The following MAPK8 variants were observed in gnomAD, a reference collection of about 807,000 sequenced individuals.
MAPK8 encodes the protein JUN N-terminal kinase.
MAPK8 carries 13 observed loss-of-function variants against 52.9 expected under a neutral mutation model. The ratio of observed to expected loss-of-function variants is 0.25; its 90% CI spans 0.16 to 0.39. The LOEUF is 0.39. Among genes scored for constraint, MAPK8 ranks in the 10% least tolerant of loss-of-function variants. MAPK8 has a pLI of 1.00. For missense variants in MAPK8, 300 were observed against 519.2 expected (o/e 0.58, Z 4.10); for synonymous variants, 191 against 169.8 (o/e 1.12, Z -0.97).
Position 48,424,177 on chromosome 10 carries a change from C to T in MAPK8, c.688+18C>T. The T allele has an allele frequency of 6.2e-7, 1 of 1,605,146 alleles. No individual in the cohort carries two copies. The highest frequency in any genetic ancestry group is 8.5e-7 in the Non-Finnish European group (1 of 1,173,302). ...AAGGGACTGTATCCTTGTGCTGCTG[C>T]AGCAGTTAATTAGTTAGGCGATGAA... On this transcript the variant is annotated intron_variant, in intron 7 of 11. Coordinates refer to ENST00000374189, the MANE Select transcript of MAPK8 (RefSeq NM_001323329.2).
At chr10:48,369,778 A>T (rs1848384107) in intron 1 of MAPK8, among the ~76,000 whole-genome samples, 1 of 152,116 alleles carries the variant, frequency 6.6e-6, no homozygotes. Context: ...ACCCAAGAAA[A>T]GTGCTTCAGG....
At chr10:48,426,171 A>G in intron 8 of MAPK8, 101 bp downstream of exon 8, 2 of 1,147,784 alleles carry the variant, frequency 1.7e-6, no homozygotes, top group Non-Finnish European at 1.2e-6. Flanking sequence ...TGGGACATGA[A>G]CCCAAGGTTT....
At position 48,426,891 on chromosome 10, in the gene MAPK8, ACAT is replaced by A. The variant is rs1047984450; in HGVS notation, c.997-188_997-186del. 11 of 527,600 alleles carry A rather than the reference ACAT, an allele frequency of 2.1e-5. No individual in the cohort carries two copies. In the African/African-American group the frequency reaches 2.1e-4, roughly 10 times the overall value. The allele number at this position is 527,600 out of a possible 1,614,324, so 32.7% of individuals were successfully genotyped here. A position where few individuals can be genotyped will look rare whatever the true frequency, so the allele number is the denominator to read the frequency against. On this transcript the variant is annotated intron_variant, in intron 9 of 11. Coordinates refer to ENST00000374189, the MANE Select transcript of MAPK8 (RefSeq NM_001323329.2). ...AGAAGAAAAGAAAAAAGACAGTTAA[ACAT>A]TTTATTTCCTGCAATGAAGGAGTCT...
At chr10:48,371,215 A>G (rs942126811) in intron 1 of MAPK8, among the ~76,000 whole-genome samples, 3 of 152,122 alleles carry the variant, frequency 2.0e-5, no homozygotes, top group African/African-American at 7.2e-5. Context: ...TTGCTTTTTT[A>G]TTAAAAAAAT....
At chr10:48,318,631 T>C (rs939940827) in intron 1 of MAPK8, among the ~76,000 whole-genome samples, 1 of 152,196 alleles carries the variant, frequency 6.6e-6, no homozygotes, top group Non-Finnish European at 1.5e-5. Flanking sequence ...GGTGTGGGCT[T>C]CCGAGGTGGA....
intron 1 of MAPK8, among the ~76,000 whole-genome samples, chr10:48,393,628 G>T (rs948795006): frequency 4.6e-5 from 7 of 151,978 alleles, no homozygotes; most frequent in Non-Finnish European, 1.0e-4. Flanking sequence ...CTTGAAACAG[G>T]ACCCCATGTA....
At chr10:48,425,484 T>G in intron 7 of MAPK8, 2 of 376,096 alleles carry the variant, frequency 5.3e-6, no homozygotes, top group Non-Finnish European at 9.4e-6. Context: ...AGAAATATTG[T>G]CTAGGAGATA....
intron 1 of MAPK8, among the ~76,000 whole-genome samples, chr10:48,393,869 A>C (rs553630089): frequency 6.6e-6 from 1 of 152,178 alleles, no homozygotes; most frequent in Admixed American, 6.5e-5. Flanking sequence ...AAAACATTAG[A>C]GAAAAGTAAG....
intron 1 of MAPK8, among the ~76,000 whole-genome samples, chr10:48,339,160 G>A (rs753996450): frequency 2.0e-5 from 3 of 152,002 alleles, no homozygotes; most frequent in Non-Finnish European, 4.4e-5. Flanking sequence ...AAAGCCAGAG[G>A]CATCATATTA....
At chr10:48,321,583 C>T (rs1158889127) in intron 1 of MAPK8, among the ~76,000 whole-genome samples, 1 of 152,150 alleles carries the variant, frequency 6.6e-6, no homozygotes, top group Non-Finnish European at 1.5e-5. Context: ...GAAGCCAATG[C>T]TTAACTCAAG....
In MAPK8 at chr10:48,393,220, C is replaced by T. The variant is rs757293493; in HGVS notation, c.-49-8392C>T. ...ACATTTATCTTTCACCGAGACTACT[C>T]ATCTGGGATCCAGTTCTATATCTAG... On this transcript the variant is annotated intron_variant, in intron 1 of 11. Transcript: ENST00000374189. Among the ~76,000 whole-genome samples the T allele has an allele frequency of 2.6e-5, 4 of 152,158 alleles. No homozygotes were observed. In the South Asian group the frequency reaches 8.3e-4, roughly 32 times the overall value.
chr10:48,420,401 A>G, intron 6 of MAPK8, 81 bp downstream of exon 6: 1 of 1,308,406 alleles, frequency 7.6e-7, no homozygotes, highest in Non-Finnish European at 1.0e-6. Context: ...TAAATACTTA[A>G]GCAGAAGTAC....
intron 1 of MAPK8, among the ~76,000 whole-genome samples, chr10:48,319,402 C>G (rs1285851683): frequency 1.3e-5 from 2 of 152,102 alleles, no homozygotes; most frequent in Non-Finnish European, 2.9e-5. Flanking sequence ...CAGTCACTCC[C>G]CATTTCTTCA....
At chr10:48,309,651 A>C (rs1358028606) in intron 1 of MAPK8, among the ~76,000 whole-genome samples, 1 of 152,208 alleles carries the variant, frequency 6.6e-6, no homozygotes, top group Non-Finnish European at 1.5e-5. Context: ...TTGTTAAATG[A>C]CTAGTCCCCA....
chr10:48,414,257 T>G (rs2042938579), intron 5 of MAPK8, among the ~76,000 whole-genome samples: 1 of 152,184 alleles, frequency 6.6e-6, no homozygotes, highest in Non-Finnish European at 1.5e-5. Flanking sequence ...GTTCTTCTTG[T>G]CATTTTATTG....
At chr10:48,311,849 C>T (rs1050639260) in intron 1 of MAPK8, among the ~76,000 whole-genome samples, 1 of 152,188 alleles carries the variant, frequency 6.6e-6, no homozygotes, top group African/African-American at 2.4e-5. Context: ...TCAAGAGCAT[C>T]TACTATGAGA....
intron 1 of MAPK8, among the ~76,000 whole-genome samples, chr10:48,394,603 G>T (rs1463411702): frequency 6.6e-6 from 1 of 151,828 alleles, no homozygotes; most frequent in East Asian, 1.9e-4. Context: ...GTCTGTCAAA[G>T]GACAACTAGT....
chr10:48,413,212 T>C (rs1177478693), intron 5 of MAPK8, among the ~76,000 whole-genome samples: 1 of 152,094 alleles, frequency 6.6e-6, no homozygotes, highest in Non-Finnish European at 1.5e-5. Context: ...TTGGGTTGGT[T>C]CCACATTTAG....
intron 1 of MAPK8, among the ~76,000 whole-genome samples, chr10:48,394,687 C>T (rs2041802767): frequency 6.6e-6 from 1 of 151,830 alleles, no homozygotes; most frequent in South Asian, 2.1e-4. Flanking sequence ...CATGAACAGG[C>T]ACCACTTCTA....
Sources: gnomAD v4.1 joint callset for allele counts (sites outside exome capture counted in the v4.1 genomes callset) on GRCh38, gnomAD v4.1.1 for gene constraint, MANE v1.5 for transcripts, NCBI Gene and HGNC (gene_info 2026-07-23, HGNC 2026-07-21) for gene names.